The following ANKRD26 variants were observed in gnomAD, a reference collection of about 807,000 sequenced individuals.
The protein encoded by ANKRD26 is ankyrin repeat domain-containing protein 26.
A neutral mutation model predicts 208.7 loss-of-function variants in ANKRD26; 141 were observed. The observed-to-expected ratio is 0.68, with a 90% CI of 0.59 to 0.78. The LOEUF is 0.78. Ranked by LOEUF, ANKRD26 falls within the 30% of genes least tolerant of loss-of-function variation. The pLI is 0.00. For missense variants in ANKRD26, 1,889 were observed against 1,938.7 expected (o/e 0.97, Z 0.48); for synonymous variants, 636 against 660.4 (o/e 0.96, Z 0.57).
downstream of ANKRD26, among the ~76,000 whole-genome samples, chr10:26,973,649 C>CAT (rs2052181281): frequency 1.1e-5 from 1 of 88,428 alleles, no homozygotes. Context: ...TTTATTTGTC[C>CAT]TTTTTTTTTT....
intron 15 of ANKRD26, 104 bp from the exon 16 acceptor site, chr10:27,053,494 T>A: frequency 1.2e-6 from 1 of 833,180 alleles, no homozygotes; most frequent in Non-Finnish European, 1.8e-6. Flanking sequence ...ATTTTATAAA[T>A]CGAGAGGGTT....
At chr10:27,046,587 G>A (rs2054456361) in intron 17 of ANKRD26, 64 bp from the exon 18 acceptor site, 1 of 1,478,032 alleles carries the variant, frequency 6.8e-7, no homozygotes, top group South Asian at 1.2e-5. Context: ...ACAACATGCA[G>A]AAAGAGAGTT....
At chr10:27,061,927 C>T (rs934940681) in intron 12 of ANKRD26, 18 of 983,754 alleles carry the variant, frequency 1.8e-5, no homozygotes, top group Non-Finnish European at 2.1e-5. Context: ...TGTAGTTTAC[C>T]CCAATTCTAG....
At chr10:27,044,461 T>C (rs1156812480) in intron 18 of ANKRD26, among the ~76,000 whole-genome samples, 1 of 149,292 alleles carries the variant, frequency 6.7e-6, no homozygotes, top group African/African-American at 2.4e-5. Context: ...TTCCTGACAG[T>C]CAAAGCAAAA....
intron 6 of ANKRD26, among the ~76,000 whole-genome samples, chr10:27,081,799 G>A (rs1450216134): frequency 6.6e-6 from 1 of 151,690 alleles, no homozygotes; most frequent in African/African-American, 2.4e-5. Flanking sequence ...GTGCAGTGGC[G>A]CAATCTCGGC....
chr10:27,043,826 C>G (rs2054348704), intron 19 of ANKRD26, among the ~76,000 whole-genome samples: 1 of 151,808 alleles, frequency 6.6e-6, no homozygotes. Flanking sequence ...GGGTCTCGCT[C>G]TATCACCCAG....
downstream of ANKRD26, among the ~76,000 whole-genome samples, chr10:26,973,377 C>T (rs1008309677): frequency 6.6e-6 from 1 of 150,932 alleles, no homozygotes; most frequent in Admixed American, 6.6e-5. Flanking sequence ...ATGATGCTTT[C>T]TTTATTTCTT....
At chr10:27,090,387 C>T (rs1186324603) in intron 4 of ANKRD26, among the ~76,000 whole-genome samples, 1 of 151,970 alleles carries the variant, frequency 6.6e-6, no homozygotes, top group East Asian at 1.9e-4. Context: ...AGCAAGACTC[C>T]ATCTCAAAAA....
chr10:26,978,238 G>A (rs1002396253), intron 5 of ANKRD26, among the ~76,000 whole-genome samples: 12 of 151,618 alleles, frequency 7.9e-5, no homozygotes, highest in Non-Finnish European at 4.4e-5. Context: ...ATCACCTGAC[G>A]TCAGGAGTGA....
At chr10:26,959,557 C>T in the ANKRD26 span, among the ~76,000 whole-genome samples, 12 of 151,182 alleles carry the variant, frequency 7.9e-5, no homozygotes, top group African/African-American at 2.4e-4. Flanking sequence ...TGGGCTATAA[C>T]TATGAAGAGA....
At chr10:27,078,889 ATCCTTTG>A in intron 7 of ANKRD26, among the ~76,000 whole-genome samples, 193 bp downstream of exon 7, 1 of 149,696 alleles carries the variant, frequency 6.7e-6, no homozygotes. Context: ...GTACTTATCA[ATCCTTTG>A]TTATTTACCA....
chr10:26,963,902 G>GTTTTTTTTTTTTTTTTTT, the ANKRD26 span, among the ~76,000 whole-genome samples: 9 of 66,974 alleles, frequency 1.3e-4, 3 homozygotes, highest in Non-Finnish European at 1.8e-4. Flanking sequence ...ATGGTTGGTT[G>GTTTTTTTTTTTTTTTTTT]GTTTTTTTTT....
In ANKRD26 at chr10:27,093,346, T is replaced by C. The variant is rs777435481; in HGVS notation, c.531+3A>G. The C allele has an allele frequency of 2.5e-6, 4 of 1,613,248 alleles. No individual in the cohort carries two copies. Among genetic ancestry groups the C allele is most frequent in the South Asian group, 1.1e-5 (1 of 91,028 alleles). ...TGTAAAAATAAAGTTGGTTGATCTATACCTTGTTTTTTGCTTCAATATTTG... is the reference window on the plus strand; with the variant it reads ...TGTAAAAATAAAGTTGGTTGATCTACACCTTGTTTTTTGCTTCAATATTTG... On this transcript the variant is annotated splice_donor_region_variant and intron_variant, in intron 3 of 33. Transcript: ENST00000376087.
At position 27,086,761 on chromosome 10, in the gene ANKRD26, C is replaced by CTTTTTT. The variant is rs1255812481; in HGVS notation, c.639-158_639-153dup. ...ACTTCAAATATGTAAGCTCTACAAACTTTTTTGTTTTTTTTTTTTTTTTTT... is the reference window on the plus strand; with the variant it reads ...ACTTCAAATATGTAAGCTCTACAAACTTTTTTTTTTTTGTTTTTTTTTTTTTTTTTT... On this transcript the variant is annotated intron_variant, in intron 4 of 33. Coordinates refer to ENST00000376087, the MANE Select transcript of ANKRD26 (RefSeq NM_014915.3). The CTTTTTT allele has an allele frequency of 3.1e-4, 116 of 377,610 alleles. 2 individuals carry two copies. Among genetic ancestry groups the CTTTTTT allele is most frequent in the African/African-American group, 6.3e-4 (22 of 35,096 alleles). The allele number at this position is 377,610 out of a possible 1,614,324, so 23.4% of individuals were successfully genotyped here.
chr10:26,975,059 A>G (rs1038029147), exon 6 of ANKRD26, among the ~76,000 whole-genome samples: 6 of 152,174 alleles, frequency 3.9e-5, no homozygotes, highest in Non-Finnish European at 8.8e-5. Context: ...GGGTTGTGTT[A>G]CAGGAGACTT....
chr10:27,018,730 T>C (rs1052000572), intron 29 of ANKRD26, among the ~76,000 whole-genome samples: 9 of 152,060 alleles, frequency 5.9e-5, no homozygotes, highest in African/African-American at 1.7e-4. Flanking sequence ...AGAACATACA[T>C]TGGGGAAAGG....
chr10:27,099,883 C>G (rs1257144636), intron 1 of ANKRD26, among the ~76,000 whole-genome samples: 2 of 151,976 alleles, frequency 1.3e-5, no homozygotes, highest in Admixed American at 6.6e-5. Context: ...TCGGGGGGAT[C>G]GGAAACCAGC....
chr10:26,992,507 C>CAG lies in ANKRD26; in HGVS notation c.*30-504_*30-503dup, dbSNP rs906434300. ...ACACACACACACACACACACACACACAGAGAGAAAAAGAGAGAGACTTTCC... is the reference window on the plus strand; with the variant it reads ...ACACACACACACACACACACACACACAGAGAGAGAAAAAGAGAGAGACTTTCC... On this transcript the variant is annotated intron_variant, in intron 5 of 5. Transcript: ENST00000445828. Among the ~76,000 whole-genome samples, 329 of 134,298 alleles carry CAG rather than the reference C, an allele frequency of 2.4e-3. 3 individuals are homozygous for CAG. Among genetic ancestry groups the CAG allele is most frequent in the African/African-American group, 7.4e-3 (227 of 30,868 alleles). 88.1% of individuals were successfully genotyped at this position (134,298 alleles called of 152,430 possible).
chr10:27,092,893 G>A (rs1200778542), intron 3 of ANKRD26, among the ~76,000 whole-genome samples: 1 of 152,104 alleles, frequency 6.6e-6, no homozygotes, highest in African/African-American at 2.4e-5. Context: ...GGCCCGCCTG[G>A]CCAACATGGC....
Sources: allele counts gnomAD v4.1 joint callset (sites outside exome capture counted in the v4.1 genomes callset), GRCh38; gene constraint gnomAD v4.1.1; transcripts MANE v1.5; gene names NCBI Gene and HGNC (gene_info 2026-07-23, HGNC 2026-07-21).